The following GHR variants were observed in gnomAD, a reference collection of about 807,000 sequenced individuals.
GHR encodes growth hormone receptor.
Under a neutral mutation model 67.1 loss-of-function variants are expected in GHR, and 35 were observed. The observed-to-expected ratio is 0.52, with a 90% confidence interval of 0.40 to 0.69. The LOEUF is 0.69. GHR is among the 30% of genes least tolerant of loss of function. GHR has a pLI of 0.00. For missense variants in GHR, 792 were observed against 764.6 expected (o/e 1.04, Z -0.42); for synonymous variants, 272 against 269.1 (o/e 1.01, Z -0.10).
At chr5:42,510,738 T>A (rs1174768065) in intron 1 of GHR, among the ~76,000 whole-genome samples, 1 of 152,110 alleles carries the variant, frequency 6.6e-6, no homozygotes, top group Non-Finnish European at 1.5e-5. Context: ...ATGAGACAGA[T>A]GAATGGAGCT....
At chr5:42,638,062 C>A (rs1162880814) in intron 3 of GHR, among the ~76,000 whole-genome samples, 4 of 152,132 alleles carry the variant, frequency 2.6e-5, no homozygotes, top group African/African-American at 9.7e-5. Flanking sequence ...GCCTCAGCCT[C>A]CTGAGTAGCT....
intron 2 of GHR, among the ~76,000 whole-genome samples, chr5:42,577,219 C>T (rs1354828228): frequency 6.6e-6 from 1 of 152,112 alleles, no homozygotes; most frequent in Admixed American, 6.5e-5. Flanking sequence ...ACAGTTTCCA[C>T]ATGAGATTAT....
chr5:42,485,153 G>A (rs1309577104), intron 1 of GHR, among the ~76,000 whole-genome samples: 1 of 152,214 alleles, frequency 6.6e-6, no homozygotes, highest in African/African-American at 2.4e-5. Context: ...AGAGCTAAAT[G>A]AGACTCTGTC....
intron 1 of GHR, chr5:42,465,608 G>T (rs959980009): frequency 1.8e-6 from 2 of 1,103,938 alleles, no homozygotes; most frequent in Admixed American, 1.7e-5. Flanking sequence ...AATGTATTTG[G>T]GGGACTCTGT....
At chr5:42,530,594 G>A (rs1747921145) in intron 1 of GHR, among the ~76,000 whole-genome samples, 1 of 152,140 alleles carries the variant, frequency 6.6e-6, no homozygotes, top group Non-Finnish European at 1.5e-5. Context: ...TATCCTTTCA[G>A]GGGAAATACA....
intron 1 of GHR, among the ~76,000 whole-genome samples, chr5:42,479,754 C>T (rs551906621): frequency 3.9e-5 from 6 of 152,008 alleles, no homozygotes; most frequent in African/African-American, 7.2e-5. Context: ...TTTTTTATTG[C>T]GTCTATTTGA....
chr5:42,451,629 C>T (rs1305847418), intron 1 of GHR, among the ~76,000 whole-genome samples: 4 of 150,500 alleles, frequency 2.7e-5, no homozygotes, highest in Admixed American at 6.6e-5. Context: ...TCACTTGAAC[C>T]CAGGAGGTGG....
intron 7 of GHR, among the ~76,000 whole-genome samples, chr5:42,712,808 C>T (rs1328963941): frequency 6.6e-6 from 1 of 151,530 alleles, no homozygotes; most frequent in Non-Finnish European, 1.5e-5. Context: ...ATGGGAGCCT[C>T]AGTAGTGATC....
chr5:42,605,280 T>A (rs1752576707), intron 2 of GHR, among the ~76,000 whole-genome samples: 1 of 151,792 alleles, frequency 6.6e-6, no homozygotes, highest in Non-Finnish European at 1.5e-5. Context: ...ATTTTGTATT[T>A]TTTTTAGTAG....
At chr5:42,618,455 G>A (rs900985525) in intron 2 of GHR, among the ~76,000 whole-genome samples, 4 of 152,106 alleles carry the variant, frequency 2.6e-5, no homozygotes, top group Admixed American at 1.3e-4. Flanking sequence ...AGGTCAGAGA[G>A]TAAACATATT....
At chr5:42,503,069 T>C (rs756264587) in intron 1 of GHR, among the ~76,000 whole-genome samples, 3 of 152,084 alleles carry the variant, frequency 2.0e-5, no homozygotes, top group Admixed American at 6.6e-5. Context: ...TCAGCTAACT[T>C]TAGTTTCTGA....
chr5:42,615,343 G>A (rs1398690202), intron 2 of GHR, among the ~76,000 whole-genome samples: 1 of 151,972 alleles, frequency 6.6e-6, no homozygotes, highest in African/African-American at 2.4e-5. Flanking sequence ...GCATCAGTTA[G>A]TTCTAAACAT....
intron 1 of GHR, among the ~76,000 whole-genome samples, chr5:42,544,562 TC>T (rs953425857): frequency 1.3e-5 from 2 of 151,830 alleles, no homozygotes; most frequent in African/African-American, 4.8e-5. Context: ...AAACCAAATT[TC>T]CCCCCACCTC....
intron 3 of GHR, among the ~76,000 whole-genome samples, chr5:42,644,779 TTGG>T (rs1754648204): frequency 6.6e-6 from 1 of 152,082 alleles, no homozygotes; most frequent in African/African-American, 2.4e-5. Context: ...TTGTTGAACC[TTGG>T]TGATGAACAT....
At position 42,718,771 on chromosome 5, in the gene GHR, G is replaced by A. The variant is rs1423234618; in HGVS notation, c.1264G>A (p.Asp422Asn). The change falls in exon 10 of 10, where the codon GAT (aspartate) becomes AAT (asparagine). Residue 422 changes from aspartate to asparagine, a missense_variant. Physicochemically the swap from Asp to Asn is conservative, Grantham distance 23. Transcript: ENST00000230882. ...GCCACAGAGGTTAAAAGGGGAAGCAGATCTCTTATGCCTTGACCAGAAGAA... is the reference window on the plus strand; with the variant it reads ...GCCACAGAGGTTAAAAGGGGAAGCAAATCTCTTATGCCTTGACCAGAAGAA... Reference protein sequence around the residue: ...AQPQRLKGEADLLCLDQKNQN... With the variant: ...AQPQRLKGEANLLCLDQKNQN... The A allele has an allele frequency of 6.2e-7, 1 of 1,614,168 alleles. No individual in the cohort carries two copies. Among genetic ancestry groups the A allele is most frequent in the Non-Finnish European group, 8.5e-7 (1 of 1,180,018 alleles).
intron 1 of GHR, among the ~76,000 whole-genome samples, chr5:42,464,015 A>G (rs1744614369): frequency 8.1e-6 from 1 of 122,728 alleles, no homozygotes; most frequent in Non-Finnish European, 1.6e-5. Flanking sequence ...AAAAAAAAAA[A>G]AGAAAAAGAA....
intron 1 of GHR, among the ~76,000 whole-genome samples, chr5:42,539,806 A>T (rs1244176693): frequency 6.6e-6 from 1 of 152,144 alleles, no homozygotes; most frequent in East Asian, 1.9e-4. Flanking sequence ...TTCTCTCCCA[A>T]CAAGATAAAA....
intron 1 of GHR, among the ~76,000 whole-genome samples, chr5:42,453,971 A>G (rs1744155158): frequency 6.6e-6 from 1 of 152,162 alleles, no homozygotes; most frequent in African/African-American, 2.4e-5. Context: ...TATTCAGATT[A>G]TTTTGTCTCA....
At chr5:42,531,865 C>T (rs1045422206) in intron 1 of GHR, among the ~76,000 whole-genome samples, 1 of 152,082 alleles carries the variant, frequency 6.6e-6, no homozygotes, top group Admixed American at 6.6e-5. Context: ...GTGTGACTTC[C>T]AGGGGAGAGA....
Sources: gnomAD v4.1 joint callset for allele counts (sites outside exome capture counted in the v4.1 genomes callset) on GRCh38, gnomAD v4.1.1 for gene constraint, MANE v1.5 for transcripts, NCBI Gene and HGNC (gene_info 2026-07-23, HGNC 2026-07-21) for gene names.